Variants in ARHGEF12 observed in about 807,000 individuals in gnomAD.
ARHGEF12 encodes Rho guanine nucleotide exchange factor 12, also known as KMT2A/ARHGEF12 fusion protein.
In ARHGEF12, 66 loss-of-function variants were observed where a neutral mutation model predicts 211.2. The observed-to-expected ratio is 0.31, with a 90% CI of 0.26 to 0.38. ARHGEF12 has a LOEUF of 0.38. Among genes scored for constraint, ARHGEF12 ranks in the 10% least tolerant of loss-of-function variants. The pLI is 1.00. For synonymous variants in ARHGEF12, 592 were observed against 638.4 expected (o/e 0.93, Z 1.09); for missense variants, 1,429 against 1,869.5 (o/e 0.76, Z 4.34).
chr11:120,447,108 G>A, intron 18 of ARHGEF12, 23 bp downstream of exon 18: 1 of 1,610,522 alleles, frequency 6.2e-7, no homozygotes, highest in Non-Finnish European at 8.5e-7. Flanking sequence ...AGTATATGTG[G>A]AAATGCCCTC....
At chr11:120,432,746 A>G (rs774174218) in intron 11 of ARHGEF12, among the ~76,000 whole-genome samples, 6 of 152,186 alleles carry the variant, frequency 3.9e-5, no homozygotes, top group African/African-American at 1.4e-4. Flanking sequence ...CTATTTAACA[A>G]TGTGAAGTTT....
intron 4 of ARHGEF12, among the ~76,000 whole-genome samples, chr11:120,416,680 G>C (rs964071264): frequency 2.0e-5 from 3 of 151,632 alleles, no homozygotes; most frequent in Admixed American, 1.3e-4. Context: ...TTTTGAGATG[G>C]AGTCTTTGTT....
chr11:120,410,141 A>T (rs982562536), intron 4 of ARHGEF12: 1 of 152,192 alleles, frequency 6.6e-6, no homozygotes, highest in South Asian at 2.1e-4. Context: ...TTTGCAGCAG[A>T]TGATTGAAAT....
intron 1 of ARHGEF12, among the ~76,000 whole-genome samples, chr11:120,349,669 T>G (rs1942875765): frequency 6.6e-6 from 1 of 152,200 alleles, no homozygotes; most frequent in Non-Finnish European, 1.5e-5. Context: ...TGCAGAATTG[T>G]CGTGACGATT....
At chr11:120,417,889 C>T (rs939110289) in intron 4 of ARHGEF12, among the ~76,000 whole-genome samples, 7 of 152,020 alleles carry the variant, frequency 4.6e-5, no homozygotes, top group African/African-American at 1.7e-4. Context: ...TTATAGGTGT[C>T]CTAATTACTT....
intron 30 of ARHGEF12, among the ~76,000 whole-genome samples, chr11:120,470,171 A>G (rs1268647627): frequency 2.0e-5 from 3 of 152,258 alleles, no homozygotes; most frequent in Non-Finnish European, 4.4e-5. Flanking sequence ...AATTCAGCAT[A>G]GACAAGTAAG....
chr11:120,361,301 C>T (rs768676400), intron 1 of ARHGEF12, among the ~76,000 whole-genome samples: 3 of 152,168 alleles, frequency 2.0e-5, no homozygotes, highest in Non-Finnish European at 4.4e-5. Context: ...AGTGCGAACC[C>T]TGTTGTGAAC....
intron 1 of ARHGEF12, among the ~76,000 whole-genome samples, chr11:120,361,620 C>G (rs1028753598): frequency 6.6e-6 from 1 of 152,188 alleles, no homozygotes; most frequent in African/African-American, 2.4e-5. Flanking sequence ...TTTCAAGCAT[C>G]TTTTACAATT....
Position 120,460,625 on chromosome 11 carries a change from T to C in ARHGEF12, c.2528-47T>C, listed in dbSNP as rs902407394. On this transcript the variant is annotated intron_variant, in intron 26 of 40. Transcript: ENST00000397843. The stretch of plus-strand genomic sequence containing the variant: ...CTACTCTGTACTACCAGTAATTCTG[T>C]CTACACTGAATGTGTTACTAACGTT... 5.9e-6 allele frequency: 9 copies of C among 1,532,228 alleles called. No individual in the cohort carries two copies. The African/African-American group carries it at 1.2e-4, about 21-fold the overall frequency. The allele number at this position is 1,532,228 out of a possible 1,614,324, so 94.9% of individuals were successfully genotyped here. A position where few individuals can be genotyped will look rare whatever the true frequency, so the allele number is the denominator to read the frequency against.
rs1305809148 is a variant in ARHGEF12 at position 120,477,215 on chromosome 11, G to A, written c.3366-4G>A. ...ATTTTGGATTTCTTTCCAACTTTCTGAAGCTGGCAGGACCTAATCTGTCGG... is the reference window on the plus strand; with the variant it reads ...ATTTTGGATTTCTTTCCAACTTTCTAAAGCTGGCAGGACCTAATCTGTCGG... On this transcript the variant is annotated splice_polypyrimidine_tract_variant and splice_region_variant and intron_variant, in intron 34 of 40. Transcript: ENST00000397843. The A allele has an allele frequency of 6.2e-7, 1 of 1,613,386 alleles. No individual in the cohort carries two copies. Among genetic ancestry groups the A allele is most frequent in the Non-Finnish European group, 8.5e-7 (1 of 1,179,780 alleles).
intron 1 of ARHGEF12, among the ~76,000 whole-genome samples, chr11:120,369,205 T>C (rs987228002): frequency 6.7e-6 from 1 of 149,186 alleles, no homozygotes; most frequent in African/African-American, 2.5e-5. Flanking sequence ...CTCAGCTCAC[T>C]GTAGCCTCTG....
intron 28 of ARHGEF12, among the ~76,000 whole-genome samples, chr11:120,466,069 T>TA (rs1189124484): frequency 1.3e-5 from 2 of 152,232 alleles, no homozygotes; most frequent in African/African-American, 4.8e-5. Flanking sequence ...CCTGTTTTTA[T>TA]AAAGTTTTAT....
chr11:120,413,710 G>A (rs1370887244), intron 4 of ARHGEF12, among the ~76,000 whole-genome samples: 1 of 152,166 alleles, frequency 6.6e-6, no homozygotes, highest in African/African-American at 2.4e-5. Flanking sequence ...AAACATGTAT[G>A]TCTGGCACCA....
chr11:120,406,879 A>G (rs896495508), intron 2 of ARHGEF12, among the ~76,000 whole-genome samples: 2 of 152,234 alleles, frequency 1.3e-5, no homozygotes, highest in Non-Finnish European at 2.9e-5. Context: ...ACTTTAAGAC[A>G]GTGAAGAAAA....
At position 120,459,178 on chromosome 11, in the gene ARHGEF12, G is replaced by A. The variant is rs1432290643; in HGVS notation, c.2385G>A (p.Leu795=). The A allele has an allele frequency of 1.2e-6, 2 of 1,610,938 alleles. No homozygotes were observed. Among genetic ancestry groups the A allele is most frequent in the Non-Finnish European group, 1.7e-6 (2 of 1,178,704 alleles). Residue 795 remains leucine, a synonymous_variant, in exon 26 of 41, where the codon TTG becomes TTA. Coordinates refer to ENST00000397843, the MANE Select transcript of ARHGEF12 (RefSeq NM_015313.3). Reference sequence around the variant, plus strand: ...TCATATCTCTTTCCTGTTCAGAATTGTTCTACACTGAAAGAGCTCATGTTC... The same window carrying A: ...TCATATCTCTTTCCTGTTCAGAATTATTCTACACTGAAAGAGCTCATGTTC... ...EIKRQEVINE[L]FYTERAHVRT...
chr11:120,429,161 C>T (rs1019806860), intron 8 of ARHGEF12, among the ~76,000 whole-genome samples: 1 of 152,116 alleles, frequency 6.6e-6, no homozygotes, highest in Non-Finnish European at 1.5e-5. Context: ...GTAAAAGATA[C>T]TATTCTTATA....
chr11:120,382,820 G>T (rs1305969490), intron 1 of ARHGEF12, among the ~76,000 whole-genome samples: 2 of 152,184 alleles, frequency 1.3e-5, no homozygotes, highest in Non-Finnish European at 2.9e-5. Flanking sequence ...ATTGGGGTTT[G>T]GAATAAGGGG....
chr11:120,412,369 G>A (rs953600695), intron 4 of ARHGEF12, among the ~76,000 whole-genome samples: 29 of 152,324 alleles, frequency 1.9e-4, no homozygotes, highest in African/African-American at 7.0e-4. Context: ...ACCATAGACT[G>A]CTTGGTTTAA....
chr11:120,452,396 T>C (rs910239600), intron 22 of ARHGEF12, among the ~76,000 whole-genome samples: 1 of 152,182 alleles, frequency 6.6e-6, no homozygotes, highest in African/African-American at 2.4e-5. Flanking sequence ...TTACCATGTC[T>C]TCATCCTTGT....
Sources: allele counts gnomAD v4.1 joint callset (sites outside exome capture counted in the v4.1 genomes callset), GRCh38; gene constraint gnomAD v4.1.1; transcripts MANE v1.5; gene names NCBI Gene and HGNC (gene_info 2026-07-23, HGNC 2026-07-21).